The following MATN2 variants were observed in gnomAD, a reference collection of about 807,000 sequenced individuals.
MATN2 encodes matrilin 2, also known as matrilin-2.
Under a neutral mutation model 103.2 loss-of-function variants are expected in MATN2, and 69 were observed. The ratio of observed to expected loss-of-function variants is 0.67; its 90% CI spans 0.55 to 0.82. The LOEUF (loss-of-function observed/expected upper bound fraction) is 0.82, where lower values mean the gene tolerates loss of function less well. Among genes scored for constraint, MATN2 ranks in the 40% least tolerant of loss-of-function variants. The pLI, the probability that MATN2 is intolerant of heterozygous loss-of-function variation, is 0.00. For missense variants in MATN2, 1,023 were observed against 1,211.5 expected, an observed-to-expected ratio of 0.84 and a Z score of 2.31; for synonymous variants, 429 against 450.2, an observed-to-expected ratio of 0.95 and a Z score of 0.60.
At chr8:97,960,845 C>T (rs1306918935) in intron 4 of MATN2, among the ~76,000 whole-genome samples, 3 of 152,100 alleles carry the variant, frequency 2.0e-5, no homozygotes, top group East Asian at 3.9e-4. Flanking sequence ...GACAGAGACT[C>T]GCTCTGTCGT....
chr8:97,908,111 C>A (rs763493857), intron 2 of MATN2, among the ~76,000 whole-genome samples: 3 of 152,128 alleles, frequency 2.0e-5, no homozygotes, highest in Admixed American at 6.5e-5. Flanking sequence ...TGCCTGCTCA[C>A]AGGGGGATTG....
chr8:97,924,779 T>C (rs1809936981), intron 2 of MATN2, among the ~76,000 whole-genome samples: 1 of 151,834 alleles, frequency 6.6e-6, no homozygotes, highest in African/African-American at 2.4e-5. Context: ...GCCATAGCTT[T>C]CAGGCCCTGA....
intron 18 of MATN2, among the ~76,000 whole-genome samples, chr8:98,034,942 C>T (rs1211483222): frequency 6.6e-6 from 1 of 151,062 alleles, no homozygotes; most frequent in Non-Finnish European, 1.5e-5. Context: ...AAGACTGCAG[C>T]TGGGTGCTGT....
chr8:97,890,302 T>C (rs1818583816), intron 2 of MATN2, among the ~76,000 whole-genome samples: 1 of 151,940 alleles, frequency 6.6e-6, no homozygotes, highest in South Asian at 2.1e-4. Flanking sequence ...CTGTCTCTAC[T>C]AAAAATACAA....
At chr8:98,006,657 C>T (rs890952951) in intron 8 of MATN2, among the ~76,000 whole-genome samples, 2 of 152,220 alleles carry the variant, frequency 1.3e-5, no homozygotes, top group African/African-American at 4.8e-5. Context: ...GGGAATTGCA[C>T]CTGCTCTCAG....
intron 7 of MATN2, among the ~76,000 whole-genome samples, chr8:97,999,060 A>G (rs1253395209): frequency 6.6e-6 from 1 of 152,176 alleles, no homozygotes; most frequent in East Asian, 1.9e-4. Context: ...GAATTTGACT[A>G]TTCTAGGTGC....
Position 98,033,615 on chromosome 8 carries a change from T to G in MATN2, c.2771T>G (p.Phe924Cys). The G allele has an allele frequency of 6.2e-7, 1 of 1,608,398 alleles. No individual in the cohort carries two copies. Among genetic ancestry groups the G allele is most frequent in the Non-Finnish European group, 8.5e-7 (1 of 1,177,364 alleles). ...DQCKCENLIM[F>C]QNLANEEVRK... Reference sequence around the variant, plus strand: ...TGCAAATGTGAAAACCTTATAATGTTCCAGAACCTTGCAAACGAAGAAGTA... The same window carrying G: ...TGCAAATGTGAAAACCTTATAATGTGCCAGAACCTTGCAAACGAAGAAGTA... The change falls in exon 18 of 19, where the codon TTC (phenylalanine) becomes TGC (cysteine). Residue 924 changes from phenylalanine to cysteine, a missense_variant. Phe to Cys is a radical substitution (Grantham distance 205, BLOSUM62 -2). Coordinates refer to ENST00000254898, the MANE Select transcript of MATN2 (RefSeq NM_002380.5).
intron 14 of MATN2, 81 bp from the exon 15 acceptor site, chr8:98,030,381 C>A: frequency 9.1e-7 from 1 of 1,094,916 alleles, no homozygotes; most frequent in Non-Finnish European, 1.3e-6. Context: ...ATCTAACTGG[C>A]TTTGGGTGCA....
In MATN2 at chr8:98,003,784, G is replaced by T; in HGVS notation, c.1327+1G>T. On this transcript the variant is annotated splice_donor_variant, in intron 8 of 18. Transcript: ENST00000254898. LOFTEE classifies it high-confidence loss of function. ...GACCCCAATGGCAAAACCTGCAGCCGTGAGTGTACCCTAGGGGTGGGGTGC... is the reference window on the plus strand; with the variant it reads ...GACCCCAATGGCAAAACCTGCAGCCTTGAGTGTACCCTAGGGGTGGGGTGC... 1 of 1,613,592 alleles carries T rather than the reference G, an allele frequency of 6.2e-7. No homozygotes were observed. Among genetic ancestry groups the T allele is most frequent in the South Asian group, 1.1e-5 (1 of 91,074 alleles).
At chr8:97,978,525 C>A (rs1313533253) in intron 5 of MATN2, among the ~76,000 whole-genome samples, 1 of 152,190 alleles carries the variant, frequency 6.6e-6, no homozygotes, top group Non-Finnish European at 1.5e-5. Flanking sequence ...TATAATGCCC[C>A]TACCATTAAT....
At chr8:98,012,706 G>C (rs956839953) in intron 10 of MATN2, among the ~76,000 whole-genome samples, 5 of 152,094 alleles carry the variant, frequency 3.3e-5, no homozygotes, top group Non-Finnish European at 7.4e-5. Context: ...AATCTGCCAG[G>C]CTGCCTCAGC....
chr8:98,008,972 C>T (rs1406318226), intron 10 of MATN2, among the ~76,000 whole-genome samples: 2 of 152,200 alleles, frequency 1.3e-5, no homozygotes, highest in African/African-American at 4.8e-5. Flanking sequence ...AGGTCCACAT[C>T]TGGATTTTGA....
chr8:97,925,144 C>A (rs1809949520), intron 2 of MATN2, among the ~76,000 whole-genome samples: 1 of 152,072 alleles, frequency 6.6e-6, no homozygotes, highest in Non-Finnish European at 1.5e-5. Flanking sequence ...GTACAGAAAT[C>A]AAAAGTGAGG....
rs138709632 is a variant in MATN2, at chr8:98,007,671, C to T, written c.1573+70C>T. 4.5e-4 allele frequency: 700 copies of T among 1,541,044 alleles called. 2 individuals carry two copies. The African/African-American group carries it at 7.7e-3, about 17-fold the overall frequency. ...GGTGCCGGTGTGGGTGCGCTGCCGA[C>T]GTGTATATGTGCCTGTGTGTCCTGT... is the stretch of plus-strand genomic sequence containing the variant. On this transcript the variant is annotated intron_variant, in intron 10 of 18. Transcript: ENST00000254898. This position sits in a 1 kb window ranked among gnomAD's most constrained non-coding sequence, Gnocchi z 4.2.
rs1811315895 is a variant in MATN2, at chr8:97,961,462, T to G, written c.890T>G (p.Val297Gly). Residue 297 changes from valine to glycine, a missense_variant, in exon 5 of 19, where the codon GTG (valine) becomes GGG (glycine). Physicochemically the swap from Val to Gly is moderately radical, Grantham distance 109. Transcript: ENST00000254898. ...AACTGTGAGCAGCTCTGTGTGAATG[T>G]GCCGGGCTCCTTCGTCTGCCAGTGC... ...DHNCEQLCVNVPGSFVCQCYS... is the reference protein window; with the variant it reads ...DHNCEQLCVNGPGSFVCQCYS... The G allele has an allele frequency of 4.3e-6, 7 of 1,613,906 alleles. No individual in the cohort carries two copies. The highest frequency in any genetic ancestry group is 5.9e-6 in the Non-Finnish European group (7 of 1,179,850).
intron 4 of MATN2, among the ~76,000 whole-genome samples, chr8:97,947,349 C>G (rs893290737): frequency 1.3e-5 from 2 of 152,018 alleles, no homozygotes; most frequent in Non-Finnish European, 2.9e-5. Context: ...AGCAACAGAG[C>G]GAGACTCCGT....
intron 14 of MATN2, 141 bp from the exon 15 acceptor site, chr8:98,030,321 A>G (rs1201138013): frequency 4.6e-6 from 3 of 650,130 alleles, no homozygotes; most frequent in Admixed American, 3.1e-5. Flanking sequence ...AAAATGGTAG[A>G]AAAATAAAAA....
rs950813753 is a variant in MATN2 at position 97,979,399 on chromosome 8, G to A, written c.1081+391G>A. ...AGCTCTGACTCCACGCAAGAAAATC[G>A]CTGAGCCAAAAAGAATCATAAGTGA... On this transcript the variant is annotated intron_variant, in intron 6 of 18. Coordinates refer to ENST00000254898, the MANE Select transcript of MATN2 (RefSeq NM_002380.5). 4.6e-5 allele frequency among the ~76,000 whole-genome samples: 7 copies of A among 152,140 alleles called. No homozygotes were observed. The South Asian group carries it at 1.0e-3, about 22-fold the overall frequency.
intron 2 of MATN2, among the ~76,000 whole-genome samples, chr8:97,911,939 C>T (rs1809458663): frequency 6.6e-6 from 1 of 152,174 alleles, no homozygotes; most frequent in Non-Finnish European, 1.5e-5. Context: ...CATATTTGCT[C>T]ATTTTATCCT....
Sources: gnomAD v4.1 joint callset for allele counts (sites outside exome capture counted in the v4.1 genomes callset) on GRCh38, gnomAD v4.1.1 for gene constraint, Gnocchi (gnomAD v3.1) non-coding constraint, MANE v1.5 for transcripts, NCBI Gene and HGNC (gene_info 2026-07-23, HGNC 2026-07-21) for gene names.